ZNF660: variants seen among roughly 807,000 people sequenced by gnomAD.
ZNF660 encodes the protein zinc finger protein 660.
In ZNF660, 24 loss-of-function variants were observed where a neutral mutation model predicts 23.2. The observed-to-expected ratio is 1.04, with a 90% CI of 0.75 to 1.46. The LOEUF (loss-of-function observed/expected upper bound fraction) is 1.46, where lower values mean the gene tolerates loss of function less well. Among genes scored for constraint, ZNF660 ranks in the 40% most tolerant of loss-of-function variants. The pLI is 0.00. For synonymous variants in ZNF660, 117 were observed against 131.4 expected, an observed-to-expected ratio of 0.89 and a Z score of 0.75; for missense variants, 373 against 396.8, an observed-to-expected ratio of 0.94 and a Z score of 0.51.
intron 2 of ZNF660, among the ~76,000 whole-genome samples, chr3:44,593,689 CAAA>C (rs397874775): frequency 0.39 from 36,027 of 92,032 alleles, 4,679 homozygotes; most frequent in Non-Finnish European, 0.43. Context: ...CACTCCATCT[CAAA>C]AAAAAAAAAA....
At position 44,597,862 on chromosome 3, in the gene ZNF660, G is replaced by C. The variant is rs186338739; in HGVS notation, c.*2673G>C. On this transcript the variant is annotated 3_prime_UTR_variant, in exon 3 of 3. Coordinates refer to ENST00000322734, the MANE Select transcript of ZNF660 (RefSeq NM_173658.4). The surrounding 1 kb of genome is among the most constrained non-coding windows in gnomAD (Gnocchi z 4.1). ...AGGCAGGCGAGGATTATAGTCTCTT[G>C]AGGAGGCCATCACCCATCTTCTAGG... The C allele has an allele frequency of 1.1e-4, 17 of 152,318 alleles. No individual in the cohort carries two copies. Among genetic ancestry groups the C allele is most frequent in the Admixed American group, 1.0e-3 (16 of 15,288 alleles). 9.4% of individuals were successfully genotyped at this position (152,318 alleles called of 1,614,324 possible). A position where few individuals can be genotyped will look rare whatever the true frequency, so the allele number is the denominator to read the frequency against.
At position 44,598,407 on chromosome 3, in the gene ZNF660, C is replaced by CA. The variant is rs1415610512; in HGVS notation, c.*3221dup. ...ACAAGATCCACCTGCCTCGGCCTCC[C>CA]AAAGTGCTGGGATTATAGGCATGAG... On this transcript the variant is annotated 3_prime_UTR_variant, in exon 3 of 3. Coordinates refer to ENST00000322734, the MANE Select transcript of ZNF660 (RefSeq NM_173658.4). 1.3e-5 allele frequency: 2 copies of CA among 152,150 alleles called. No homozygotes were observed. Among genetic ancestry groups the CA allele is most frequent in the Non-Finnish European group, 2.9e-5 (2 of 68,128 alleles). The allele number at this position is 152,150 out of a possible 1,614,324, so 9.4% of individuals were successfully genotyped here.
chr3:44,593,247 C>T (rs2125751959), intron 2 of ZNF660, among the ~76,000 whole-genome samples: 1 of 152,280 alleles, frequency 6.6e-6, no homozygotes, highest in South Asian at 2.1e-4. Context: ...AGACAGAATC[C>T]TAGTTGCTAT....
intron 1 of ZNF660, among the ~76,000 whole-genome samples, chr3:44,585,835 A>G (rs928553227): frequency 1.3e-5 from 2 of 152,162 alleles, no homozygotes; most frequent in African/African-American, 4.8e-5. Context: ...TTAGATATCA[A>G]TGGAGCAGGT....
At position 44,594,944 on chromosome 3, in the gene ZNF660, TG is replaced by T. The variant is rs1219221873; in HGVS notation, c.752del (p.Cys251LeufsTer43). ...RREKPYKCNE[C>X]GKAFTSNRNL... The stretch of plus-strand genomic sequence containing the variant: ...AGAGAAACCTTACAAATGTAATGAG[TG>T]TGGGAAGGCTTTTACTTCTAATCGA... On this transcript the variant is annotated frameshift_variant, in exon 3 of 3. Transcript: ENST00000322734. LOFTEE classifies it high-confidence loss of function. The T allele has an allele frequency of 6.2e-7, 1 of 1,613,992 alleles. No individual in the cohort carries two copies. The highest frequency in any genetic ancestry group is 2.2e-5 in the East Asian group (1 of 44,862).
chr3:44,593,079 C>T (rs1213208960), intron 2 of ZNF660, among the ~76,000 whole-genome samples: 1 of 151,488 alleles, frequency 6.6e-6, no homozygotes, highest in Non-Finnish European at 1.5e-5. Context: ...CTGGGTCCAA[C>T]TATAGGCCAG....
Position 44,594,444 on chromosome 3 carries a change from G to T in ZNF660, c.251G>T (p.Gly84Val). The change falls in exon 3 of 3, where the codon GGA becomes GTA. Residue 84 changes from glycine to valine, a missense_variant. Gly to Val is a moderately radical substitution (Grantham distance 109). Transcript: ENST00000322734. ...GEKPYKCKEC[G>V]KAFSHSSNLV... ...AAACCCTATAAGTGTAAGGAGTGTG[G>T]AAAAGCTTTCAGTCATAGCTCTAAC... 6.2e-7 allele frequency: 1 copy of T among 1,614,098 alleles called. No individual in the cohort carries two copies. The highest frequency in any genetic ancestry group is 1.1e-5 in the South Asian group (1 of 91,070).
intron 2 of ZNF660, among the ~76,000 whole-genome samples, chr3:44,588,318 A>G (rs145732814): frequency 6.6e-5 from 10 of 152,242 alleles, no homozygotes; most frequent in Admixed American, 2.0e-4. Context: ...AGAACTCACT[A>G]TCACAAGGAC....
Position 44,587,662 on chromosome 3 carries a change from C to T in ZNF660, c.-181+1449C>T, listed in dbSNP as rs142418739. On this transcript the variant is annotated intron_variant, in intron 2 of 2. Coordinates refer to ENST00000322734, the MANE Select transcript of ZNF660 (RefSeq NM_173658.4). ...CTGTCTGGTCCTGCTTCCTCCTCAG[C>T]TCCTCCATCACCACCCTGGGCTTTC... Among the ~76,000 whole-genome samples the T allele has an allele frequency of 9.7e-4, 148 of 152,386 alleles. 2 individuals are homozygous for T. The highest frequency in any genetic ancestry group is 3.4e-3 in the African/African-American group (143 of 41,588).
rs1422595314 is a variant in ZNF660 at position 44,594,015 on chromosome 3, T to C, written c.-179T>C. The C allele has an allele frequency of 1.3e-6, 1 of 769,402 alleles. No homozygotes were observed. Among genetic ancestry groups the C allele is most frequent in the Non-Finnish European group, 2.3e-6 (1 of 438,674 alleles). 47.7% of individuals were successfully genotyped at this position (769,402 alleles called of 1,614,324 possible). The stretch of plus-strand genomic sequence containing the variant: ...TGCAATTTCTGTTTCTCCTGTCAGA[T>C]GGTGAAACTGGGACTGAGGAGGAGT... On this transcript the variant is annotated splice_region_variant and 5_prime_UTR_variant, in exon 3 of 3. An upstream start codon of the reference 5' UTR is lost. Coordinates refer to ENST00000322734, the MANE Select transcript of ZNF660 (RefSeq NM_173658.4).
At chr3:44,586,067 A>AGGG (rs1419112314) in intron 1 of ZNF660, 38 bp from the exon 2 acceptor site, 2 of 152,192 alleles carry the variant, frequency 1.3e-5, no homozygotes, top group Non-Finnish European at 2.9e-5. Flanking sequence ...CTTGGAATTC[A>AGGG]GGGCTCAGAG....
intron 2 of ZNF660, among the ~76,000 whole-genome samples, chr3:44,590,794 C>T (rs774010512): frequency 1.3e-5 from 2 of 152,244 alleles, no homozygotes; most frequent in Non-Finnish European, 2.9e-5. Context: ...ACTTGCTCTA[C>T]TGCTCTGCAT....
chr3:44,593,779 C>T (rs555789787), intron 2 of ZNF660, among the ~76,000 whole-genome samples: 7 of 151,680 alleles, frequency 4.6e-5, no homozygotes, highest in South Asian at 4.2e-4. Flanking sequence ...AGATTTTATA[C>T]GATTCATTGC....
In ZNF660 at chr3:44,594,136, T is replaced by A. The variant is rs1258640364; in HGVS notation, c.-58T>A. 1.2e-6 allele frequency: 2 copies of A among 1,606,804 alleles called. No individual in the cohort carries two copies. The highest frequency in any genetic ancestry group is 3.4e-5 in the Admixed American group (2 of 59,562). The stretch of plus-strand genomic sequence containing the variant: ...CCCAGGAAGTCAAAATTTAGAAGGC[T>A]CCTCTGAAGGGAAAGAGAAGACTAG... On this transcript the variant is annotated 5_prime_UTR_variant, in exon 3 of 3. Coordinates refer to ENST00000322734, the MANE Select transcript of ZNF660 (RefSeq NM_173658.4).
chr3:44,590,287 G>A (rs1190777165), intron 2 of ZNF660, among the ~76,000 whole-genome samples: 1 of 152,084 alleles, frequency 6.6e-6, no homozygotes, highest in Non-Finnish European at 1.5e-5. Flanking sequence ...CTGCAGCCTA[G>A]AAGTGTGAGA....
chr3:44,589,243 T>G (rs1456569319), intron 2 of ZNF660, among the ~76,000 whole-genome samples: 1 of 152,168 alleles, frequency 6.6e-6, no homozygotes, highest in East Asian at 1.9e-4. Flanking sequence ...TCCTAAAGAG[T>G]TCTTATCCTA....
Position 44,594,384 on chromosome 3 carries a change from A to G in ZNF660, c.191A>G (p.Asn64Ser). ...GGGAAAGCCTTTAGTCAGAGTGCAA[A>G]CCTCACAGTACATGAGCGAATCCAC... ...ECGKAFSQSA[N>S]LTVHERIHTG... The change falls in exon 3 of 3, where the codon AAC becomes AGC. Residue 64 changes from asparagine to serine, a missense_variant. Coordinates refer to ENST00000322734, the MANE Select transcript of ZNF660 (RefSeq NM_173658.4). The G allele has an allele frequency of 1.2e-6, 2 of 1,613,646 alleles. No individual in the cohort carries two copies. The highest frequency in any genetic ancestry group is 1.7e-6 in the Non-Finnish European group (2 of 1,179,932).
chr3:44,585,459 A>G (rs1700199590), intron 1 of ZNF660, among the ~76,000 whole-genome samples: 1 of 152,174 alleles, frequency 6.6e-6, no homozygotes, highest in African/African-American at 2.4e-5. Flanking sequence ...ACAAATATTT[A>G]TTGAGCACTA....
rs1011837368 is a variant in ZNF660 at position 44,595,415 on chromosome 3, T to C, written c.*226T>C. On this transcript the variant is annotated 3_prime_UTR_variant, in exon 3 of 3. Coordinates refer to ENST00000322734, the MANE Select transcript of ZNF660 (RefSeq NM_173658.4). ...GTTGAAATGAATGATGAGCTATCCA[T>C]ATGATGGTTCTGCAGCCATTGCAAA... 4.9e-6 allele frequency: 2 copies of C among 411,574 alleles called. No homozygotes were observed. Among genetic ancestry groups the C allele is most frequent in the Non-Finnish European group, 4.3e-6 (1 of 230,250 alleles). The allele number at this position is 411,574 out of a possible 1,614,324, so 25.5% of individuals were successfully genotyped here.
Sources: allele counts gnomAD v4.1 joint callset (sites outside exome capture counted in the v4.1 genomes callset), GRCh38; gene constraint gnomAD v4.1.1; non-coding constraint Gnocchi (gnomAD v3.1); transcripts MANE v1.5; gene names NCBI Gene and HGNC (gene_info 2026-07-23, HGNC 2026-07-21).